Variants in CYGB observed in about 807,000 individuals in gnomAD.
CYGB encodes histoglobin.
A neutral mutation model predicts 20.7 loss-of-function variants in CYGB; 13 were observed. The ratio of observed to expected loss-of-function variants is 0.63; its 90% CI spans 0.41 to 1.00. The LOEUF (loss-of-function observed/expected upper bound fraction) is 1.00. Ranked by LOEUF, CYGB falls within the 50% of genes least tolerant of loss-of-function variation. The pLI is 0.00. For missense variants in CYGB, 218 were observed against 257.2 expected, an observed-to-expected ratio of 0.85 and a Z score of 1.04; for synonymous variants, 93 against 107.4, an observed-to-expected ratio of 0.87 and a Z score of 0.83.
chr17:76,531,785 G>T lies in CYGB; in HGVS notation c.144-94C>A. On this transcript the variant is annotated intron_variant, in intron 1 of 3. Transcript: ENST00000293230. This position sits in a 1 kb window ranked among gnomAD's most constrained non-coding sequence, Gnocchi z 7.4. Reference sequence around the variant, plus strand: ...ATAGTGGGGGCTGAAGAAGTGGACCGCAGTGCTCCCCACCCCCGCACCGTC... The same window carrying T: ...ATAGTGGGGGCTGAAGAAGTGGACCTCAGTGCTCCCCACCCCCGCACCGTC... 2.0e-6 allele frequency: 2 copies of T among 1,022,396 alleles called. No individual in the cohort carries two copies. The highest frequency in any genetic ancestry group is 1.4e-6 in the Non-Finnish European group (1 of 692,416). 63.3% of individuals were successfully genotyped at this position (1,022,396 alleles called of 1,614,324 possible).
chr17:76,549,107 C>T (rs2075083100), intron 1 of CYGB, among the ~76,000 whole-genome samples: 1 of 152,164 alleles, frequency 6.6e-6, no homozygotes, highest in East Asian at 1.9e-4. Context: ...AAAGCACTAA[C>T]CAGAAAAGAA....
At chr17:76,545,312 G>A (rs2075043805) in intron 1 of CYGB, 2 of 456,768 alleles carry the variant, frequency 4.4e-6, no homozygotes, top group Middle Eastern at 6.5e-4. Context: ...ACAGGGCTTA[G>A]TGTGAAGCTC....
intron 1 of CYGB, among the ~76,000 whole-genome samples, chr17:76,547,807 GAC>G (rs1301940583): frequency 7.0e-6 from 1 of 142,860 alleles, no homozygotes; most frequent in Non-Finnish European, 1.5e-5. Context: ...CATTCACAGA[GAC>G]ACACATTCAC....
At chr17:76,547,725 A>G (rs1249235532) in intron 1 of CYGB, among the ~76,000 whole-genome samples, 1 of 150,578 alleles carries the variant, frequency 6.6e-6, no homozygotes, top group Admixed American at 6.6e-5. Context: ...AGACACATAC[A>G]TTCACACACA....
In CYGB at chr17:76,528,610, G is replaced by A. The variant is rs757473237; in HGVS notation, c.541C>T (p.Pro181Ser). The change falls in exon 4 of 4, where the codon CCA becomes TCA. Residue 181 changes from proline (P) to serine (S), a missense_variant and splice_region_variant. By Grantham distance (74) the Pro-to-Ser change is moderately conservative (BLOSUM62 -1). Transcript: ENST00000293230. The surrounding 1 kb of genome is among the most constrained non-coding windows in gnomAD (Gnocchi z 5.8). ...WVQQVPNATT[P>S]PATLPSSGP is the part of the protein sequence containing the mutation. ...CCCGAAGAGGGCAGTGTGGCCGGTG[G>A]GCTGTGGACGAGATAGGAAGGGAAG... 12 of 1,278,000 alleles carry A rather than the reference G, an allele frequency of 9.4e-6. No individual in the cohort carries two copies. Among genetic ancestry groups the A allele is most frequent in the Admixed American group, 3.9e-5 (1 of 25,932 alleles). 79.2% of individuals were successfully genotyped at this position (1,278,000 alleles called of 1,614,324 possible). A position where few individuals can be genotyped will look rare whatever the true frequency, so the allele number is the denominator to read the frequency against.
chr17:76,538,447 G>C (rs1339653213), upstream of CYGB: 1 of 464,926 alleles, frequency 2.2e-6, no homozygotes, highest in East Asian at 7.3e-5. Flanking sequence ...CCATGCCCTC[G>C]GTGCACGAAC....
intron 1 of CYGB, chr17:76,545,230 T>C (rs1351268659): frequency 2.2e-6 from 1 of 456,778 alleles, no homozygotes; most frequent in Admixed American, 2.3e-5. Flanking sequence ...AAGTTACCTC[T>C]CTCAGCCTAG....
intron 1 of CYGB, among the ~76,000 whole-genome samples, chr17:76,536,112 T>C (rs1567908552): frequency 2.0e-5 from 3 of 152,224 alleles, no homozygotes; most frequent in Admixed American, 1.3e-4. Flanking sequence ...AATGTCCCTC[T>C]TAGCTTCCTG....
rs59245044 is a variant in CYGB, at chr17:76,546,450, T to TGTGTGTGTGTGTGTGTGTG, written c.-53+4411_-53+4412insCACACACACACACACACAC. Reference sequence around the variant, plus strand: ...GTGTGCGGTTGTGTGTGTGTGTGGTTTGTGTGTGTGTGTGTGTGTGTGCGC... The same window carrying TGTGTGTGTGTGTGTGTGTG: ...GTGTGCGGTTGTGTGTGTGTGTGGTTGTGTGTGTGTGTGTGTGTGTGTGTGTGTGTGTGTGTGTGTGCGC... On this transcript the variant is annotated intron_variant, in intron 1 of 3. Coordinates refer to the CYGB transcript ENST00000589145. This position sits in a 1 kb window ranked among gnomAD's most constrained non-coding sequence, Gnocchi z 4.5. 2 of 149,730 alleles carry TGTGTGTGTGTGTGTGTGTG rather than the reference T, an allele frequency of 1.3e-5. No individual in the cohort carries two copies. Among genetic ancestry groups the TGTGTGTGTGTGTGTGTGTG allele is most frequent in the East Asian group, 2.0e-4 (1 of 5,076 alleles). The allele number at this position is 149,730 out of a possible 1,614,324, so 9.3% of individuals were successfully genotyped here. A position where few individuals can be genotyped will look rare whatever the true frequency, so the allele number is the denominator to read the frequency against.
chr17:76,549,943 GTT>G (rs950657503), intron 1 of CYGB: 1 of 152,004 alleles, frequency 6.6e-6, no homozygotes, highest in Admixed American at 6.6e-5. Context: ...GAAGGTTTTT[GTT>G]TTTTTGTTTG....
At chr17:76,540,287 C>T (rs963473792), upstream of CYGB, 117 of 1,465,364 alleles carry the variant, frequency 8.0e-5, no homozygotes, top group Non-Finnish European at 1.0e-4. The surrounding 1 kb of genome is among the most constrained non-coding windows in gnomAD (Gnocchi z 5.0). Context: ...TGCCACCAAG[C>T]TGAAGGTGGG....
rs551647509 is a variant in CYGB at position 76,528,841 on chromosome 17, C to T, written c.540-230G>A. 1 of 1,214,902 alleles carries T rather than the reference C, an allele frequency of 8.2e-7. No individual in the cohort carries two copies. The highest frequency in any genetic ancestry group is 4.3e-5 in the South Asian group (1 of 23,150). 75.3% of individuals were successfully genotyped at this position (1,214,902 alleles called of 1,614,324 possible). On this transcript the variant is annotated intron_variant, in intron 3 of 3. Transcript: ENST00000293230. This position sits in a 1 kb window ranked among gnomAD's most constrained non-coding sequence, Gnocchi z 5.8. ...CCATGGGAGCTCCGGATCTTTTTCT[C>T]TAAAATGTGAATAATGTCTGTCTTG...
intron 1 of CYGB, chr17:76,543,919 C>T (rs751646358): frequency 1.7e-5 from 8 of 470,678 alleles, no homozygotes; most frequent in South Asian, 1.1e-4. Context: ...GCTTGTCCTC[C>T]GAATGTGTTT....
At position 76,528,065 on chromosome 17, in the gene CYGB, G is replaced by A. The variant is rs1183254714; in HGVS notation, c.*513C>T. On this transcript the variant is annotated 3_prime_UTR_variant, in exon 4 of 4. Coordinates refer to ENST00000293230, the MANE Select transcript of CYGB (RefSeq NM_134268.5). The surrounding 1 kb of genome is among the most constrained non-coding windows in gnomAD (Gnocchi z 5.8). ...ACCCCTCCCTGCCCCACTCACAGGTGGGCCAAACCGAGGCTTCTGGGCGCC... is the reference window on the plus strand; with the variant it reads ...ACCCCTCCCTGCCCCACTCACAGGTAGGCCAAACCGAGGCTTCTGGGCGCC... 5.5e-6 allele frequency: 2 copies of A among 363,232 alleles called. No individual in the cohort carries two copies. Among genetic ancestry groups the A allele is most frequent in the Non-Finnish European group, 5.2e-6 (1 of 192,936 alleles). The allele number at this position is 363,232 out of a possible 1,614,324, so 22.5% of individuals were successfully genotyped here. A position where few individuals can be genotyped will look rare whatever the true frequency, so the allele number is the denominator to read the frequency against.
chr17:76,530,577 C>T lies in CYGB; in HGVS notation c.539+402G>A, dbSNP rs1390642098. ...TGGTCGGCATGAGATGAAAAAACAG[C>T]CCCTTGTGATTGGCACCCAGGGAGG... On this transcript the variant is annotated intron_variant, in intron 3 of 3. Transcript: ENST00000293230. This position sits in a 1 kb window ranked among gnomAD's most constrained non-coding sequence, Gnocchi z 6.1. Among the ~76,000 whole-genome samples, 2 of 152,148 alleles carry T rather than the reference C, an allele frequency of 1.3e-5. No homozygotes were observed. Among genetic ancestry groups the T allele is most frequent in the African/African-American group, 4.8e-5 (2 of 41,424 alleles).
chr17:76,540,280 C>A, upstream of CYGB: 1 of 1,474,788 alleles, frequency 6.8e-7, no homozygotes, highest in Non-Finnish European at 9.3e-7. The surrounding 1 kb of genome is among the most constrained non-coding windows in gnomAD (Gnocchi z 5.0). Context: ...GCTGGGCTGC[C>A]ACCAAGCTGA....
exon 1 of CYGB, chr17:76,551,072 C>T (rs977525638): frequency 2.0e-5 from 3 of 152,256 alleles, no homozygotes; most frequent in Non-Finnish European, 2.9e-5. Flanking sequence ...ATGTGCTAAT[C>T]CACCTGCCAC....
intron 1 of CYGB, chr17:76,544,102 T>G (rs2143173201): frequency 2.2e-6 from 1 of 454,596 alleles, no homozygotes; most frequent in Non-Finnish European, 4.4e-6. Context: ...TGAGCAGAGA[T>G]AAAAGCAGAT....
intron 1 of CYGB, chr17:76,532,113 A>G (rs367679412): frequency 6.0e-6 from 1 of 167,220 alleles, no homozygotes; most frequent in African/African-American, 2.4e-5. Context: ...TACTGCTTTC[A>G]TGAAGTCATG....
Sources: allele counts gnomAD v4.1 joint callset (sites outside exome capture counted in the v4.1 genomes callset), GRCh38; gene constraint gnomAD v4.1.1; non-coding constraint Gnocchi (gnomAD v3.1); transcripts MANE v1.5; gene names NCBI Gene and HGNC (gene_info 2026-07-23, HGNC 2026-07-21).